Variants in FBXO34 observed in about 807,000 individuals in gnomAD.
FBXO34 encodes F-box only protein 34.
Under a neutral mutation model 24.5 loss-of-function variants are expected in FBXO34, and 12 were observed. The observed-to-expected ratio is 0.49, with a 90% CI of 0.31 to 0.79. The LOEUF is 0.79. FBXO34 is among the 30% of genes least tolerant of loss of function. FBXO34 has a pLI of 0.04. For synonymous variants in FBXO34, 320 were observed against 311.9 expected, an observed-to-expected ratio of 1.03 and a Z score of -0.27; for missense variants, 823 against 857.7, an observed-to-expected ratio of 0.96 and a Z score of 0.51.
At chr14:55,338,282 C>T (rs1012008016) in intron 1 of FBXO34, among the ~76,000 whole-genome samples, 13 of 151,684 alleles carry the variant, frequency 8.6e-5, no homozygotes, top group Non-Finnish European at 1.8e-4. Flanking sequence ...ATCTCCTGAC[C>T]CCATGATCTG....
chr14:55,346,962 C>T (rs1884180450), intron 1 of FBXO34, among the ~76,000 whole-genome samples: 1 of 152,126 alleles, frequency 6.6e-6, no homozygotes, highest in South Asian at 2.1e-4. Flanking sequence ...TACATTAGAT[C>T]TAACACATGA....
chr14:55,422,672 C>T, the FBXO34 span, among the ~76,000 whole-genome samples: 1 of 152,036 alleles, frequency 6.6e-6, no homozygotes, highest in African/African-American at 2.4e-5. Context: ...GCCAATTTGG[C>T]AAAACCCCAT....
intron 1 of FBXO34, among the ~76,000 whole-genome samples, chr14:55,349,483 A>G (rs934985378): frequency 1.5e-5 from 2 of 135,114 alleles, no homozygotes; most frequent in African/African-American, 5.0e-5. Flanking sequence ...GTTTCTACAC[A>G]TAGATTATTT....
At chr14:55,441,629 A>G in the FBXO34 span, among the ~76,000 whole-genome samples, 6 of 152,234 alleles carry the variant, frequency 3.9e-5, no homozygotes, top group Admixed American at 3.3e-4. Flanking sequence ...CTGCACAGTT[A>G]GGGTTGAGGA....
rs553179070 is a variant in FBXO34 at position 55,295,671 on chromosome 14, TAGGC to T, written c.-11+24136_-11+24139del. On this transcript the variant is annotated intron_variant, in intron 1 of 1. Transcript: ENST00000313833. ...TCGGCCTCCCAAAGTGCTGGGATTA[TAGGC>T]ATGAGCCACTGCGCCCAGCTGAGGT... 1.4e-3 allele frequency among the ~76,000 whole-genome samples: 217 copies of T among 152,254 alleles called. 1 individual carries two copies. Among genetic ancestry groups the T allele is most frequent in the African/African-American group, 5.1e-3 (214 of 41,558 alleles).
chr14:55,354,066 A>G (rs747569210), downstream of FBXO34, among the ~76,000 whole-genome samples: 19 of 152,312 alleles, frequency 1.2e-4, no homozygotes, highest in Non-Finnish European at 1.8e-4. Flanking sequence ...GAAGGATGGT[A>G]CGTGCTCTAG....
the FBXO34 span, chr14:55,411,907 G>T: frequency 2.4e-5 from 31 of 1,299,988 alleles, no homozygotes; most frequent in East Asian, 5.1e-5. Context: ...CTGGGGAAGG[G>T]GGGCTGGGAT....
chr14:55,401,787 G>A, the FBXO34 span, among the ~76,000 whole-genome samples: 1 of 152,124 alleles, frequency 6.6e-6, no homozygotes, highest in African/African-American at 2.4e-5. Context: ...AACCCAGCTC[G>A]GGCTTCAGAG....
At chr14:55,307,368 G>T (rs1054166420) in intron 1 of FBXO34, among the ~76,000 whole-genome samples, 1 of 152,122 alleles carries the variant, frequency 6.6e-6, no homozygotes, top group African/African-American at 2.4e-5. Context: ...AATTCTTTTC[G>T]TGGAGGCAAG....
chr14:55,371,941 C>T (rs942866421), downstream of FBXO34, among the ~76,000 whole-genome samples: 4 of 152,178 alleles, frequency 2.6e-5, no homozygotes, highest in African/African-American at 7.2e-5. Flanking sequence ...ATTTCTCTGC[C>T]AGCAAACTAA....
intron 1 of FBXO34, among the ~76,000 whole-genome samples, chr14:55,317,249 G>A (rs1882963073): frequency 6.6e-6 from 1 of 152,148 alleles, no homozygotes; most frequent in African/African-American, 2.4e-5. Context: ...TTGCAAGCCA[G>A]TTGCTAAATG....
At chr14:55,350,236 A>C in intron 1 of FBXO34, 145 bp from the exon 2 acceptor site, 2 of 530,350 alleles carry the variant, frequency 3.8e-6, no homozygotes, top group Non-Finnish European at 6.3e-6. Flanking sequence ...AGTAAAAACT[A>C]TCATGAGAGA....
At chr14:55,385,938 G>A in the FBXO34 span, 3 of 1,614,190 alleles carry the variant, frequency 1.9e-6, no homozygotes, top group Admixed American at 3.3e-5. Flanking sequence ...AGATTTGCCA[G>A]ACGCTCATAA....
At chr14:55,385,800 C>G in the FBXO34 span, 1 of 1,390,680 alleles carries the variant, frequency 7.2e-7, no homozygotes, top group Non-Finnish European at 9.9e-7. Flanking sequence ...TAATGACATA[C>G]TTTAAAAAGT....
intron 1 of FBXO34, among the ~76,000 whole-genome samples, chr14:55,323,178 C>CCA (rs1566555667): frequency 5.0e-4 from 20 of 40,402 alleles, no homozygotes; most frequent in African/African-American, 2.6e-3. Flanking sequence ...GAGTGAGACT[C>CCA]TGTCTCAAAA....
the FBXO34 span, chr14:55,411,785 T>C: frequency 1.2e-6 from 2 of 1,602,750 alleles, no homozygotes; most frequent in Admixed American, 3.4e-5. Flanking sequence ...GCCAGGAGCC[T>C]CCAGCGCCCG....
the FBXO34 span, chr14:55,380,609 A>G: frequency 8.7e-6 from 14 of 1,613,238 alleles, no homozygotes; most frequent in Non-Finnish European, 1.1e-5. Flanking sequence ...TACATCAAGT[A>G]TATGAGACAG....
chr14:55,427,827 CTA>C, the FBXO34 span, among the ~76,000 whole-genome samples: 34 of 133,076 alleles, frequency 2.6e-4, no homozygotes, highest in African/African-American at 9.6e-4. Flanking sequence ...CGGGCTGCAG[CTA>C]TATACACACA....
chr14:55,298,379 CTT>C (rs112310781), intron 1 of FBXO34, among the ~76,000 whole-genome samples: 6 of 149,264 alleles, frequency 4.0e-5, no homozygotes, highest in Non-Finnish European at 4.5e-5. Context: ...AGGATTATTT[CTT>C]TTTTTTTTTA....
Sources: gnomAD v4.1 joint callset for allele counts (sites outside exome capture counted in the v4.1 genomes callset) on GRCh38, gnomAD v4.1.1 for gene constraint, MANE v1.5 for transcripts, NCBI Gene and HGNC (gene_info 2026-07-23, HGNC 2026-07-21) for gene names.